The following AKAP12 variants were observed in gnomAD, a reference collection of about 807,000 sequenced individuals.
AKAP12 encodes the protein A-kinase anchor protein 12.
In AKAP12, 32 loss-of-function variants were observed where a neutral mutation model predicts 79.9. The ratio of observed to expected loss-of-function variants is 0.40; its 90% CI spans 0.30 to 0.54. The LOEUF is 0.54. Among genes scored for constraint, AKAP12 ranks in the 20% least tolerant of loss-of-function variants. The pLI is 0.48. For synonymous variants in AKAP12, 808 were observed against 857.0 expected, an observed-to-expected ratio of 0.94 and a Z score of 1.00; for missense variants, 2,074 against 2,177.0, an observed-to-expected ratio of 0.95 and a Z score of 0.94.
chr6:151,333,244 T>A (rs1777723145), intron 3 of AKAP12, among the ~76,000 whole-genome samples: 1 of 152,118 alleles, frequency 6.6e-6, no homozygotes, highest in Admixed American at 6.6e-5. Flanking sequence ...CTGCCTGTCC[T>A]GGAAGCCCCC....
At chr6:151,273,914 A>T (rs1776240405) in intron 2 of AKAP12, among the ~76,000 whole-genome samples, 1 of 152,022 alleles carries the variant, frequency 6.6e-6, no homozygotes, top group African/African-American at 2.4e-5. Flanking sequence ...CTGTAATCCC[A>T]GCTACTCGGG....
In AKAP12 at chr6:151,324,104, G is replaced by C. The variant is rs934411386; in HGVS notation, c.319+18201G>C. The stretch of plus-strand genomic sequence containing the variant: ...TCCAGAAGGATGGTCAGTACCAGCA[G>C]CATTTCACACACACCAGCCTCATTA... On this transcript the variant is annotated intron_variant, in intron 3 of 4. Transcript: ENST00000402676. 4.1e-6 allele frequency: 4 copies of C among 985,284 alleles called. No individual in the cohort carries two copies. The African/African-American group carries it at 7.0e-5, about 17-fold the overall frequency. The allele number at this position is 985,284 out of a possible 1,614,324, so 61.0% of individuals were successfully genotyped here. A position where few individuals can be genotyped will look rare whatever the true frequency, so the allele number is the denominator to read the frequency against.
intron 2 of AKAP12, among the ~76,000 whole-genome samples, chr6:151,243,172 A>G (rs185048158): frequency 6.6e-6 from 1 of 152,354 alleles, no homozygotes; most frequent in Admixed American, 6.5e-5. Context: ...TATGAAGTGC[A>G]TATGGCTCAA....
chr6:151,329,209 G>A (rs1345344047), intron 3 of AKAP12, among the ~76,000 whole-genome samples: 1 of 152,082 alleles, frequency 6.6e-6, no homozygotes, highest in Non-Finnish European at 1.5e-5. Flanking sequence ...CCACCTCCCG[G>A]GTTCAAGCAG....
chr6:151,333,323 C>G (rs1251763332), intron 3 of AKAP12, among the ~76,000 whole-genome samples: 1 of 152,150 alleles, frequency 6.6e-6, no homozygotes, highest in Non-Finnish European at 1.5e-5. Flanking sequence ...GGTTGAGCCT[C>G]TGGTCTGAGC....
At position 151,240,841 on chromosome 6, in the gene AKAP12, C is replaced by G. The variant is rs977706379; in HGVS notation, c.162+117C>G. On this transcript the variant is annotated intron_variant, in intron 2 of 4. Coordinates refer to ENST00000402676, the MANE Select transcript of AKAP12 (RefSeq NM_005100.4). ...AACTTCCCAGCCCATCCAGCCGCAT[C>G]TGCAAACTCAGGAGTGCGAACCCCT... is the stretch of plus-strand genomic sequence containing the variant. 4 of 965,666 alleles carry G rather than the reference C, an allele frequency of 4.1e-6. No individual in the cohort carries two copies. The African/African-American group carries it at 6.8e-5, about 16-fold the overall frequency. 59.8% of individuals were successfully genotyped at this position (965,666 alleles called of 1,614,324 possible). A position where few individuals can be genotyped will look rare whatever the true frequency, so the allele number is the denominator to read the frequency against.
intron 2 of AKAP12, among the ~76,000 whole-genome samples, chr6:151,276,451 T>TA (rs1344792136): frequency 6.6e-6 from 1 of 152,252 alleles, no homozygotes; most frequent in Admixed American, 6.5e-5. Flanking sequence ...ACATTTGCTC[T>TA]ACCCATCAAA....
chr6:151,331,064 A>G (rs1777653842), intron 3 of AKAP12, among the ~76,000 whole-genome samples: 1 of 152,198 alleles, frequency 6.6e-6, no homozygotes, highest in East Asian at 1.9e-4. Flanking sequence ...CTGGAGATAA[A>G]CCCAGGTTAA....
At chr6:151,282,525 GA>G (rs1420437619) in intron 2 of AKAP12, among the ~76,000 whole-genome samples, 1 of 152,184 alleles carries the variant, frequency 6.6e-6, no homozygotes, top group Non-Finnish European at 1.5e-5. Flanking sequence ...GCCCAGGGAA[GA>G]GGCTTGCATA....
Position 151,351,108 on chromosome 6 carries a change from T to C in AKAP12, c.2717T>C (p.Ile906Thr), listed in dbSNP as rs776331528. The C allele has an allele frequency of 6.2e-7, 1 of 1,614,202 alleles. No individual in the cohort carries two copies. Among genetic ancestry groups the C allele is most frequent in the Admixed American group, 1.7e-5 (1 of 60,028 alleles). Residue 906 changes from isoleucine (I) to threonine (T), a missense_variant, in exon 4 of 5, where the codon ATT becomes ACT. Ile to Thr is a moderately conservative substitution (Grantham distance 89). Around this residue, in one of 3 missense-constraint regions of AKAP12, gnomAD observed 1,428 missense variants for 1,451.0 expected, o/e 0.98. Coordinates refer to ENST00000402676, the MANE Select transcript of AKAP12 (RefSeq NM_005100.4). The surrounding 1 kb of genome is among the most constrained non-coding windows in gnomAD (Gnocchi z 4.4). ...VADGTRAATI[I>T]EERSPSWISA... Reference sequence around the variant, plus strand: ...GACGGGACGAGGGCAGCTACCATTATTGAAGAAAGGTCTCCTTCTTGGATA... The same window carrying C: ...GACGGGACGAGGGCAGCTACCATTACTGAAGAAAGGTCTCCTTCTTGGATA...
chr6:151,303,125 G>A (rs1465680078), intron 2 of AKAP12, among the ~76,000 whole-genome samples: 2 of 152,244 alleles, frequency 1.3e-5, no homozygotes, highest in South Asian at 2.1e-4. Context: ...CCCAAAAGGC[G>A]GATGTTGCAG....
intron 2 of AKAP12, among the ~76,000 whole-genome samples, chr6:151,265,945 T>G (rs1028730077): frequency 6.6e-6 from 1 of 152,340 alleles, no homozygotes; most frequent in South Asian, 2.1e-4. Flanking sequence ...GGTCTTTTTG[T>G]TGTTGTTTTC....
At chr6:151,334,453 G>C (rs2114798560) in intron 3 of AKAP12, among the ~76,000 whole-genome samples, 1 of 152,008 alleles carries the variant, frequency 6.6e-6, no homozygotes, top group Non-Finnish European at 1.5e-5. Context: ...TATTTAGCGG[G>C]GCGTGGTGGT....
At chr6:151,283,079 G>A (rs1776439154) in intron 2 of AKAP12, among the ~76,000 whole-genome samples, 1 of 152,146 alleles carries the variant, frequency 6.6e-6, no homozygotes. Flanking sequence ...TAGAAAAGTG[G>A]AGGCCCTTGT....
At chr6:151,320,602 G>A (rs1230027190) in intron 3 of AKAP12, among the ~76,000 whole-genome samples, 2 of 151,884 alleles carry the variant, frequency 1.3e-5, no homozygotes, top group Admixed American at 6.6e-5. Context: ...ACATCATTCC[G>A]TTCGGGTGAT....
At chr6:151,274,010 C>T (rs1255398166) in intron 2 of AKAP12, among the ~76,000 whole-genome samples, 1 of 150,090 alleles carries the variant, frequency 6.7e-6, no homozygotes, top group Admixed American at 6.6e-5. Context: ...GCCTGGGCGA[C>T]AGAGCAAGAC....
intron 2 of AKAP12, among the ~76,000 whole-genome samples, chr6:151,297,844 T>C (rs947202655): frequency 6.6e-6 from 1 of 152,116 alleles, no homozygotes; most frequent in African/African-American, 2.4e-5. Context: ...GGACCATTTA[T>C]AAAAGGTGAC....
chr6:151,268,504 A>G (rs960901178), intron 2 of AKAP12, among the ~76,000 whole-genome samples: 3 of 152,198 alleles, frequency 2.0e-5, no homozygotes, highest in African/African-American at 4.8e-5. Context: ...GCTATATAAA[A>G]CTAGATTTAG....
chr6:151,278,827 C>T (rs1241691973), intron 2 of AKAP12, among the ~76,000 whole-genome samples: 1 of 152,022 alleles, frequency 6.6e-6, no homozygotes, highest in Non-Finnish European at 1.5e-5. Context: ...GCCACCATGC[C>T]CGGCTAATTT....
Sources: allele counts gnomAD v4.1 joint callset (sites outside exome capture counted in the v4.1 genomes callset), GRCh38; gene constraint gnomAD v4.1.1; regional missense constraint gnomAD v4.1.1; non-coding constraint Gnocchi (gnomAD v3.1); transcripts MANE v1.5; gene names NCBI Gene and HGNC (gene_info 2026-07-23, HGNC 2026-07-21).